The following GAB2 variants were observed in gnomAD, a reference collection of about 807,000 sequenced individuals.
GAB2 encodes GRB2 associated binding protein 2, also known as GRB2-associated-binding protein 2.
GAB2 carries 26 observed loss-of-function variants against 65.5 expected under a neutral mutation model. That is an observed-to-expected ratio of 0.40 (90% CI 0.29 to 0.55). GAB2 has a LOEUF of 0.55. Ranked by LOEUF, GAB2 falls within the 20% of genes least tolerant of loss-of-function variation. The pLI, the probability that GAB2 is intolerant of heterozygous loss-of-function variation, is 0.53. For synonymous variants in GAB2, 321 were observed against 329.6 expected (o/e 0.97, Z 0.28); for missense variants, 884 against 875.8 (o/e 1.01, Z -0.12).
intron 1 of GAB2, among the ~76,000 whole-genome samples, chr11:78,347,913 A>G (rs1197799437): frequency 6.6e-6 from 1 of 152,196 alleles, no homozygotes; most frequent in Non-Finnish European, 1.5e-5. Flanking sequence ...ATCCATGTAC[A>G]ACTTTTGACT....
rs1866685928 is a variant in GAB2 at position 78,291,654 on chromosome 11, C to T, written c.76-10753G>A. 2.1e-5 allele frequency among the ~76,000 whole-genome samples: 3 copies of T among 145,392 alleles called. No individual in the cohort carries two copies. In the Admixed American group the frequency reaches 2.1e-4, roughly 10 times the overall value. ...TGGCGCAAACATGGCTCACTGTAGC[C>T]CCGACCTCCTAGGCTCAAGCGATCC... On this transcript the variant is annotated intron_variant, in intron 1 of 9. Transcript: ENST00000361507.
At chr11:78,265,416 T>C (rs1336553792) in intron 2 of GAB2, among the ~76,000 whole-genome samples, 2 of 152,128 alleles carry the variant, frequency 1.3e-5, no homozygotes, top group African/African-American at 4.8e-5. Flanking sequence ...TGGAACTAAA[T>C]GCTCTCTAAG....
chr11:78,290,981 A>T (rs1866650244), intron 1 of GAB2, among the ~76,000 whole-genome samples: 2 of 152,198 alleles, frequency 1.3e-5, no homozygotes, highest in Non-Finnish European at 2.9e-5. Context: ...TTTCTCTGTC[A>T]TAACTACTCA....
chr11:78,392,685 T>C (rs530011793), intron 1 of GAB2, among the ~76,000 whole-genome samples: 8 of 152,352 alleles, frequency 5.3e-5, no homozygotes, highest in African/African-American at 1.9e-4. Context: ...AGAGACTCAC[T>C]TGAACCTTGT....
rs191998766 is a variant in GAB2 at position 78,340,883 on chromosome 11, A to G, written c.76-59982T>C. ...TCAAACCCAGATCTGGCTCAAAATCATCTCTTTCCTCATCACAATGGTGAT... is the reference window on the plus strand; with the variant it reads ...TCAAACCCAGATCTGGCTCAAAATCGTCTCTTTCCTCATCACAATGGTGAT... On this transcript the variant is annotated intron_variant, in intron 1 of 9. Transcript: ENST00000361507. Among the ~76,000 whole-genome samples, 9 of 152,302 alleles carry G rather than the reference A, an allele frequency of 5.9e-5. No individual in the cohort carries two copies. The East Asian group carries it at 1.7e-3, about 29-fold the overall frequency.
chr11:78,290,079 C>T (rs564065004), intron 1 of GAB2, among the ~76,000 whole-genome samples: 1 of 151,982 alleles, frequency 6.6e-6, no homozygotes, highest in East Asian at 1.9e-4. Flanking sequence ...GTGCTCTCAT[C>T]TGGCAAAGTG....
At chr11:78,313,399 T>TC (rs1367608159) in intron 1 of GAB2, among the ~76,000 whole-genome samples, 1 of 152,182 alleles carries the variant, frequency 6.6e-6, no homozygotes, top group East Asian at 1.9e-4. Flanking sequence ...TTCCTTTACT[T>TC]CCCCTCCTGG....
intron 2 of GAB2, among the ~76,000 whole-genome samples, chr11:78,270,912 T>C (rs1030535538): frequency 1.3e-5 from 2 of 152,238 alleles, no homozygotes; most frequent in African/African-American, 4.8e-5. Flanking sequence ...AAGTGATTTA[T>C]TCAACATCAA....
intron 1 of GAB2, among the ~76,000 whole-genome samples, chr11:78,394,827 A>G (rs1293340305): frequency 6.6e-6 from 1 of 152,202 alleles, no homozygotes; most frequent in African/African-American, 2.4e-5. Flanking sequence ...GATGTCCTGA[A>G]AGAGACGAAA....
chr11:78,288,853 G>A (rs1027367775), intron 1 of GAB2, among the ~76,000 whole-genome samples: 3 of 152,168 alleles, frequency 2.0e-5, no homozygotes, highest in Non-Finnish European at 4.4e-5. Context: ...GGCAAAGGAA[G>A]CACAATAGCT....
At chr11:78,355,521 C>A (rs1389062420) in intron 1 of GAB2, among the ~76,000 whole-genome samples, 3 of 151,984 alleles carry the variant, frequency 2.0e-5, no homozygotes, top group Non-Finnish European at 4.4e-5. Context: ...TTTCAAGAGA[C>A]CAAGCTCAGG....
chr11:78,263,698 A>G (rs1049459813), intron 2 of GAB2, among the ~76,000 whole-genome samples: 6 of 151,812 alleles, frequency 4.0e-5, no homozygotes, highest in African/African-American at 1.5e-4. Context: ...AGCTTAAATC[A>G]CCAGCTTGTT....
At chr11:78,344,542 A>G (rs1162210389) in intron 1 of GAB2, among the ~76,000 whole-genome samples, 2 of 152,328 alleles carry the variant, frequency 1.3e-5, no homozygotes, top group South Asian at 2.1e-4. Context: ...TTTTTGTCCT[A>G]TGGGTCAAAT....
chr11:78,326,689 C>G (rs911623626), intron 1 of GAB2, among the ~76,000 whole-genome samples: 20 of 152,186 alleles, frequency 1.3e-4, no homozygotes, highest in African/African-American at 4.6e-4. Flanking sequence ...GTTTGTTCAT[C>G]TTTGTGTTCT....
intron 1 of GAB2, among the ~76,000 whole-genome samples, chr11:78,382,398 AG>A (rs1489285113): frequency 4.0e-5 from 6 of 148,414 alleles, no homozygotes; most frequent in African/African-American, 1.5e-4. Context: ...TTTTTTTTTG[AG>A]ACAGAGTCTC....
intron 1 of GAB2, among the ~76,000 whole-genome samples, chr11:78,346,720 T>TAA (rs370773286): frequency 3.1e-5 from 2 of 63,872 alleles, no homozygotes; most frequent in South Asian, 1.1e-3. Flanking sequence ...TATATATATA[T>TAA]AATTTTTTTT....
intron 1 of GAB2, among the ~76,000 whole-genome samples, chr11:78,395,534 A>G (rs570256492): frequency 6.6e-6 from 1 of 152,190 alleles, no homozygotes; most frequent in African/African-American, 2.4e-5. Flanking sequence ...GAGTAAGTAA[A>G]CCTTTCAATT....
intron 2 of GAB2, among the ~76,000 whole-genome samples, chr11:78,266,383 T>C (rs1380709111): frequency 1.3e-5 from 2 of 152,058 alleles, no homozygotes; most frequent in Non-Finnish European, 2.9e-5. Context: ...CCAGCCTCAA[T>C]AAACTGTCTC....
intron 2 of GAB2, among the ~76,000 whole-genome samples, chr11:78,263,589 C>T (rs376826997): frequency 7.4e-5 from 11 of 149,582 alleles, no homozygotes; most frequent in African/African-American, 2.5e-4. Context: ...GCCGAGATCG[C>T]GCCACTGCAC....
Sources: allele counts gnomAD v4.1 joint callset (sites outside exome capture counted in the v4.1 genomes callset), GRCh38; gene constraint gnomAD v4.1.1; transcripts MANE v1.5; gene names NCBI Gene and HGNC (gene_info 2026-07-23, HGNC 2026-07-21).